The following PLXDC2 variants were observed in gnomAD, a reference collection of about 807,000 sequenced individuals.
PLXDC2 encodes plexin domain containing 2, also known as plexin domain-containing protein 2.
Under a neutral mutation model 68.9 loss-of-function variants are expected in PLXDC2, and 40 were observed. That is an observed-to-expected ratio of 0.58 (90% CI 0.45 to 0.76). The LOEUF (loss-of-function observed/expected upper bound fraction) is 0.76. PLXDC2 is among the 30% of genes least tolerant of loss of function. The pLI is 0.00. For missense variants in PLXDC2, 644 were observed against 661.9 expected, an observed-to-expected ratio of 0.97 and a Z score of 0.30; for synonymous variants, 243 against 234.2, an observed-to-expected ratio of 1.04 and a Z score of -0.34.
chr10:20,279,666 T>A (rs769188945), intron 13 of PLXDC2, 37 bp from the exon 14 acceptor site: 4 of 1,549,672 alleles, frequency 2.6e-6, no homozygotes, highest in Non-Finnish European at 1.8e-6. Context: ...AATCTTACCC[T>A]GACGCACATT....
At chr10:20,174,743 G>A (rs1203217593) in intron 7 of PLXDC2, among the ~76,000 whole-genome samples, 1 of 151,934 alleles carries the variant, frequency 6.6e-6, no homozygotes, top group Non-Finnish European at 1.5e-5. Flanking sequence ...GTATACATAT[G>A]TAACAAACCT....
intron 7 of PLXDC2, among the ~76,000 whole-genome samples, chr10:20,173,506 A>T (rs1342879968): frequency 6.6e-6 from 1 of 152,180 alleles, no homozygotes; most frequent in Non-Finnish European, 1.5e-5. Flanking sequence ...ATATGATCAC[A>T]TTGTCCCTCC....
At chr10:20,242,804 G>C (rs951140875) in intron 12 of PLXDC2, among the ~76,000 whole-genome samples, 2 of 152,144 alleles carry the variant, frequency 1.3e-5, no homozygotes, top group Admixed American at 1.3e-4. Flanking sequence ...CCTGCCTTCA[G>C]GTTCAAGCAA....
Position 19,816,860 on chromosome 10 carries a change from A to G in PLXDC2, c.-220A>G, listed in dbSNP as rs866700712. On this transcript the variant is annotated 5_prime_UTR_variant, in exon 1 of 14. Coordinates refer to ENST00000377252, the MANE Select transcript of PLXDC2 (RefSeq NM_032812.9). ...GAGGGCTGCGAGTGTGGCAAGTTGC[A>G]AAGAGAGCCTCAGAGGTCCGAAGAG... 1.2e-5 allele frequency: 7 copies of G among 580,326 alleles called. No homozygotes were observed. The South Asian group carries it at 1.5e-4, about 12-fold the overall frequency. 35.9% of individuals were successfully genotyped at this position (580,326 alleles called of 1,614,324 possible). A position where few individuals can be genotyped will look rare whatever the true frequency, so the allele number is the denominator to read the frequency against.
chr10:19,918,321 G>A (rs1304007099), intron 1 of PLXDC2, among the ~76,000 whole-genome samples: 3 of 152,184 alleles, frequency 2.0e-5, no homozygotes, highest in African/African-American at 7.2e-5. Context: ...CTGGGTTGCA[G>A]TAGTTGAGAA....
chr10:19,833,804 G>T (rs1331440705), intron 1 of PLXDC2, among the ~76,000 whole-genome samples: 5 of 152,126 alleles, frequency 3.3e-5, no homozygotes, highest in Non-Finnish European at 7.3e-5. Flanking sequence ...AATCGAAAAG[G>T]TAAGCAATCT....
chr10:20,215,310 A>G (rs947617440), intron 10 of PLXDC2, among the ~76,000 whole-genome samples: 2 of 152,064 alleles, frequency 1.3e-5, no homozygotes, highest in African/African-American at 4.8e-5. Flanking sequence ...TTGGTACGAG[A>G]AATTTCAACT....
Position 20,177,084 on chromosome 10 carries a change from C to T in PLXDC2, c.969C>T (p.Thr323=), listed in dbSNP as rs1438189531. 6.2e-7 allele frequency: 1 copy of T among 1,604,536 alleles called. No homozygotes were observed. Among genetic ancestry groups the T allele is most frequent in the East Asian group, 2.2e-5 (1 of 44,756 alleles). The change falls in exon 8 of 14, where the codon ACC becomes ACT. Residue 323 remains threonine, a synonymous_variant. Coordinates refer to ENST00000377252, the MANE Select transcript of PLXDC2 (RefSeq NM_032812.9). Reference sequence around the variant, plus strand: ...CCAACATTTCGGCTGTGGAGATGACCCCATTACCCAGTAAGCGAATATGTA... The same window carrying T: ...CCAACATTTCGGCTGTGGAGATGACTCCATTACCCAGTAAGCGAATATGTA... ...KITNISAVEM[T]PLPTCLQFNR... is the part of the protein sequence containing the mutation.
chr10:20,160,821 A>G (rs1834281130), intron 6 of PLXDC2, among the ~76,000 whole-genome samples: 1 of 152,178 alleles, frequency 6.6e-6, no homozygotes, highest in African/African-American at 2.4e-5. Flanking sequence ...AATTATACCT[A>G]GAATTAGATA....
chr10:19,913,187 G>T (rs1833305161), intron 1 of PLXDC2, among the ~76,000 whole-genome samples: 1 of 152,168 alleles, frequency 6.6e-6, no homozygotes, highest in African/African-American at 2.4e-5. Flanking sequence ...AGTGTTGGAA[G>T]TGGGGCCTGG....
chr10:20,132,851 G>T (rs1381872087), intron 4 of PLXDC2, among the ~76,000 whole-genome samples: 1 of 151,418 alleles, frequency 6.6e-6, no homozygotes, highest in African/African-American at 2.4e-5. Flanking sequence ...TTATTTACAG[G>T]TAAAGATTTA....
rs112909389 is a variant in PLXDC2, at chr10:19,817,196, G to GA, written c.112+5_112+6insA. The GA allele has an allele frequency of 1.8e-3, 2,808 of 1,559,086 alleles. 38 individuals carry two copies. The African/African-American group carries it at 0.035, about 19-fold the overall frequency. On this transcript the variant is annotated splice_donor_region_variant and intron_variant, in intron 1 of 13. Transcript: ENST00000377252. ...AACCCGGAGACCAAATCCTTGGTAA[G>GA]TAAGATGCACTTTAGCTTGCTGATT...
rs1359884232 is a variant in PLXDC2 at position 20,143,322 on chromosome 10, A to G, written c.569A>G (p.His190Arg). ...TTCATATACACTGGAGAAGTCGTAC[A>G]TCGAATGCTAACAGCCACACAGTAC... ...GGFIYTGEVV[H>R]RMLTATQYIA... Residue 190 changes from histidine (H) to arginine (R), a missense_variant, in exon 5 of 14, where the codon CAT becomes CGT. Around this residue, in one of 3 missense-constraint regions of PLXDC2, gnomAD observed 113 missense variants for 167.1 expected, o/e 0.68. Transcript: ENST00000377252. 1 of 1,612,966 alleles carries G rather than the reference A, an allele frequency of 6.2e-7. No individual in the cohort carries two copies. Among genetic ancestry groups the G allele is most frequent in the East Asian group, 2.2e-5 (1 of 44,822 alleles).
intron 1 of PLXDC2, among the ~76,000 whole-genome samples, chr10:19,968,268 A>G (rs1834297243): frequency 6.6e-6 from 1 of 152,198 alleles, no homozygotes; most frequent in Admixed American, 6.5e-5. Flanking sequence ...GAATTCTTGT[A>G]TTAGATGAGT....
chr10:19,955,165 A>AT (rs1371008907), intron 1 of PLXDC2, among the ~76,000 whole-genome samples: 4 of 138,376 alleles, frequency 2.9e-5, no homozygotes, highest in African/African-American at 8.4e-5. Context: ...AGCTGGGACT[A>AT]TCGGCATGCA....
intron 1 of PLXDC2, among the ~76,000 whole-genome samples, chr10:19,886,089 C>T (rs1204041992): frequency 6.6e-6 from 1 of 151,984 alleles, no homozygotes; most frequent in Admixed American, 6.6e-5. Context: ...AAGGTGGATT[C>T]CTAGGTATTT....
At chr10:20,185,078 A>G (rs1834663323) in intron 9 of PLXDC2, among the ~76,000 whole-genome samples, 1 of 143,696 alleles carries the variant, frequency 7.0e-6, no homozygotes, top group Non-Finnish European at 1.5e-5. Flanking sequence ...TGGCAGGTTG[A>G]TAGGTGCAGC....
At chr10:20,056,028 A>G (rs11814928) in intron 3 of PLXDC2, among the ~76,000 whole-genome samples, 2,575 of 152,244 alleles carry the variant, frequency 0.017, 67 homozygotes, top group African/African-American at 0.057. Flanking sequence ...GCATCATCGG[A>G]TCCAAATTCA....
chr10:20,151,641 A>T (rs1281740699), intron 6 of PLXDC2, among the ~76,000 whole-genome samples: 1 of 152,176 alleles, frequency 6.6e-6, no homozygotes, highest in East Asian at 1.9e-4. Flanking sequence ...AGCGTTTCTT[A>T]ATATTGGCTG....
Sources: allele counts gnomAD v4.1 joint callset (sites outside exome capture counted in the v4.1 genomes callset), GRCh38; gene constraint gnomAD v4.1.1; regional missense constraint gnomAD v4.1.1; transcripts MANE v1.5; gene names NCBI Gene and HGNC (gene_info 2026-07-23, HGNC 2026-07-21).